The following PRF1 variants were observed in gnomAD, a reference collection of about 807,000 sequenced individuals.
The protein encoded by PRF1 is perforin-1.
In PRF1, 11 loss-of-function variants were observed where a neutral mutation model predicts 11.7. The ratio of observed to expected loss-of-function variants is 0.94; its 90% CI spans 0.59 to 1.56. PRF1 has a LOEUF of 1.56. Ranked by LOEUF, PRF1 falls within the 40% of genes most tolerant of loss-of-function variation. The probability of loss-of-function intolerance (pLI) is 0.00; values close to 1 mark genes in which losing one functional copy is unlikely to be tolerated. For synonymous variants in PRF1, 314 were observed against 327.8 expected (o/e 0.96, Z 0.45); for missense variants, 729 against 751.0 (o/e 0.97, Z 0.34).
chr10:70,597,758 C>G lies in PRF1; in HGVS notation c.*295G>C. The G allele has an allele frequency of 1.7e-6, 1 of 601,928 alleles. No individual in the cohort carries two copies. 37.3% of individuals were successfully genotyped at this position (601,928 alleles called of 1,614,324 possible). ...TCCATCTGTCTGATGCGTATCCAAT[C>G]TTTTGGCTTCTCTGGGCCACGTTGG... is the stretch of plus-strand genomic sequence containing the variant. On this transcript the variant is annotated 3_prime_UTR_variant, in exon 3 of 3. Transcript: ENST00000441259.
intron 1 of PRF1, among the ~76,000 whole-genome samples, chr10:70,602,363 A>C (rs183249774): frequency 3.3e-5 from 5 of 152,190 alleles, no homozygotes; most frequent in Non-Finnish European, 7.4e-5. Context: ...CTCAGCCCTC[A>C]TCCTGACTCT....
rs1336764726 is a variant in PRF1 at position 70,597,822 on chromosome 10, C to T, written c.*231G>A. On this transcript the variant is annotated 3_prime_UTR_variant, in exon 3 of 3. Transcript: ENST00000441259. ...TTGGGCCACATGTAAAATCCACTAGCACTAACGATAGCCGATGAGCTAAAA... is the reference window on the plus strand; with the variant it reads ...TTGGGCCACATGTAAAATCCACTAGTACTAACGATAGCCGATGAGCTAAAA... The T allele has an allele frequency of 1.6e-6, 1 of 612,960 alleles. No individual in the cohort carries two copies. Among genetic ancestry groups the T allele is most frequent in the African/African-American group, 1.9e-5 (1 of 53,212 alleles). 38.0% of individuals were successfully genotyped at this position (612,960 alleles called of 1,614,324 possible). A position where few individuals can be genotyped will look rare whatever the true frequency, so the allele number is the denominator to read the frequency against.
At position 70,601,208 on chromosome 10, in the gene PRF1, C is replaced by T. The variant is rs1033901897; in HGVS notation, c.-30-276G>A. On this transcript the variant is annotated intron_variant, in intron 1 of 2. Transcript: ENST00000441259. ...GGATGGCTCTGTCCCCAGGACACAA[C>T]TGTGGGTGGTGGGGAGGGGGCTGTG... 5.3e-5 allele frequency among the ~76,000 whole-genome samples: 8 copies of T among 152,130 alleles called. No individual in the cohort carries two copies. The East Asian group carries it at 1.5e-3, about 29-fold the overall frequency.
At chr10:70,602,259 G>A (rs567128625) in intron 1 of PRF1, among the ~76,000 whole-genome samples, 1 of 152,242 alleles carries the variant, frequency 6.6e-6, no homozygotes, top group Admixed American at 6.5e-5. Flanking sequence ...AGCGTGGCTC[G>A]CCCCAGGGAG....
At position 70,597,905 on chromosome 10, in the gene PRF1, C is replaced by A; in HGVS notation, c.*148G>T. 1.0e-6 allele frequency: 1 copy of A among 980,650 alleles called. No individual in the cohort carries two copies. Among genetic ancestry groups the A allele is most frequent in the Non-Finnish European group, 1.5e-6 (1 of 655,948 alleles). The allele number at this position is 980,650 out of a possible 1,614,324, so 60.7% of individuals were successfully genotyped here. On this transcript the variant is annotated 3_prime_UTR_variant, in exon 3 of 3. Coordinates refer to ENST00000441259, the MANE Select transcript of PRF1 (RefSeq NM_001083116.3). ...TGTTTTAAGAAAGTTTGCGAATTTG[C>A]GTTGGGCCGCATTCAAAGCCATCCT...
rs1848227902 is a variant in PRF1, at chr10:70,601,416, G to A, written c.-30-484C>T. ...CTCTAACCTCTCTCCCTCCCACTGA[G>A]CCCTTAACAGAATTGGAAGAGAAAT... is the stretch of plus-strand genomic sequence containing the variant. On this transcript the variant is annotated intron_variant, in intron 1 of 2. Transcript: ENST00000441259. Among the ~76,000 whole-genome samples the A allele has an allele frequency of 1.3e-5, 2 of 152,092 alleles. 1 individual carries two copies. Among genetic ancestry groups the A allele is most frequent in the South Asian group, 4.1e-4 (2 of 4,826 alleles).
rs1848165503 is a variant in PRF1 at position 70,598,571 on chromosome 10, C to A, written c.1150G>T (p.Gly384Trp). 1 of 1,612,708 alleles carries A rather than the reference C, an allele frequency of 6.2e-7. No individual in the cohort carries two copies. The highest frequency in any genetic ancestry group is 1.3e-5 in the African/African-American group (1 of 74,922). The change falls in exon 3 of 3, where the codon GGG (glycine) becomes TGG (tryptophan). Residue 384 changes from glycine (G) to tryptophan (W), a missense_variant. Transcript: ENST00000441259. ...WRDCSRPCPPGRQKSPRDPCQ... is the reference protein window; with the variant it reads ...WRDCSRPCPPWRQKSPRDPCQ... ...GGGTCTCGGGGGCTCTTCTGCCGCC[C>A]TGGTGGGCACGGCCGGCTGCAGTCC... is the stretch of plus-strand genomic sequence containing the variant.
rs201565901 is a variant in PRF1, at chr10:70,598,770, C to T, written c.951G>A (p.Gly317=). The T allele has an allele frequency of 5.0e-6, 8 of 1,614,236 alleles. No individual in the cohort carries two copies. The highest frequency in any genetic ancestry group is 5.1e-6 in the Non-Finnish European group (6 of 1,180,038). ...HHTSINDLLF[G]IQAGPEQYSA... ...AGTACTGCTCGGGCCCGGCCTGGATCCCGAACAGCAGGTCGTTAATGGAGG... is the reference window on the plus strand; with the variant it reads ...AGTACTGCTCGGGCCCGGCCTGGATTCCGAACAGCAGGTCGTTAATGGAGG... Residue 317 remains glycine (G), a synonymous_variant, in exon 3 of 3, where the codon GGG becomes GGA. Transcript: ENST00000441259.
chr10:70,600,317 G>C lies in PRF1; in HGVS notation c.539+47C>G, dbSNP rs751710889. The C allele has an allele frequency of 3.1e-6, 5 of 1,610,106 alleles. No homozygotes were observed. The South Asian group carries it at 4.4e-5, about 14-fold the overall frequency. ...TTCCAGGGCTCCTAGACCACCCAGA[G>C]TTTCCCGCGCCTTTTCCAGCCCCCC... On this transcript the variant is annotated intron_variant, in intron 2 of 2. Coordinates refer to ENST00000441259, the MANE Select transcript of PRF1 (RefSeq NM_001083116.3). The surrounding 1 kb of genome is among the most constrained non-coding windows in gnomAD (Gnocchi z 4.9).
rs1271079313 is a variant in PRF1, at chr10:70,598,828, T to C, written c.893A>G (p.Glu298Gly). 3.7e-6 allele frequency: 6 copies of C among 1,614,210 alleles called. No homozygotes were observed. The highest frequency in any genetic ancestry group is 1.6e-4 in the Middle Eastern group (1 of 6,062). Residue 298 changes from glutamate to glycine, a missense_variant, in exon 3 of 3, where the codon GAG becomes GGG. By Grantham distance (98) the Glu-to-Gly change is moderately conservative (BLOSUM62 -2). Coordinates refer to ENST00000441259, the MANE Select transcript of PRF1 (RefSeq NM_001083116.3). The stretch of plus-strand genomic sequence containing the variant: ...GCCGCCAACCACTTCCGAGTGGCGC[T>C]CCCGGTAGGTTTGGTGGAAGGAGGC... ...MTASFHQTYR[E>G]RHSEVVGGHH...
In PRF1 at chr10:70,598,027, A is replaced by G. The variant is rs755876007; in HGVS notation, c.*26T>C. On this transcript the variant is annotated 3_prime_UTR_variant, in exon 3 of 3. Coordinates refer to ENST00000441259, the MANE Select transcript of PRF1 (RefSeq NM_001083116.3). ...GTGAGAACCCCTTCAGTCCAAGCAT[A>G]CTGGTCCTTTCCAAGCTCACTGTTC... 17 of 1,610,244 alleles carry G rather than the reference A, an allele frequency of 1.1e-5. No individual in the cohort carries two copies. The highest frequency in any genetic ancestry group is 1.4e-5 in the Non-Finnish European group (16 of 1,179,898).
Position 70,600,839 on chromosome 10 carries a change from G to A in PRF1, c.64C>T (p.Pro22Ser), listed in dbSNP as rs1389748708. 6.2e-7 allele frequency: 1 copy of A among 1,610,550 alleles called. No homozygotes were observed. Among genetic ancestry groups the A allele is most frequent in the Non-Finnish European group, 8.5e-7 (1 of 1,178,862 alleles). The change falls in exon 2 of 3, where the codon CCG becomes TCG. Residue 22 changes from proline (P) to serine (S), a missense_variant. Coordinates refer to ENST00000441259, the MANE Select transcript of PRF1 (RefSeq NM_001083116.3). The surrounding 1 kb of genome is among the most constrained non-coding windows in gnomAD (Gnocchi z 4.9). ...LLLLPLPVPA[P>S]CHTAARSECK... ...TCTGAGCGTGCGGCTGTGTGGCACG[G>A]GGCAGGGACGGGCAGGGGCAGCAGC...
intron 1 of PRF1, among the ~76,000 whole-genome samples, chr10:70,601,845 A>G (rs1848236332): frequency 6.6e-6 from 1 of 151,310 alleles, no homozygotes; most frequent in African/African-American, 2.4e-5. Context: ...AAAAAAAAAA[A>G]GGGGCAGACC....
rs1347449950 is a variant in PRF1 at position 70,600,585 on chromosome 10, T to C, written c.318A>G (p.Val106=). Residue 106 remains valine, a synonymous_variant, in exon 2 of 3, where the codon GTA becomes GTG. Transcript: ENST00000441259. The surrounding 1 kb of genome is among the most constrained non-coding windows in gnomAD (Gnocchi z 4.9). The part of the protein sequence containing the change: ...RAQGSGCQRH[V]TRAKVSSTEA... Reference sequence around the variant, plus strand: ...CAGTGGAGCTGACTTTGGCCCTGGTTACATGGCGCTGGCAGCCAGAGCCCT... The same window carrying C: ...CAGTGGAGCTGACTTTGGCCCTGGTCACATGGCGCTGGCAGCCAGAGCCCT... 6.2e-7 allele frequency: 1 copy of C among 1,613,864 alleles called. No homozygotes were observed. The highest frequency in any genetic ancestry group is 1.7e-5 in the Admixed American group (1 of 60,008).
Position 70,600,538 on chromosome 10 carries a change from GC to G in PRF1, c.364del (p.Ala122LeufsTer14), listed in dbSNP as rs1431118616. ...CTTCCAGTCGTTGCGGATGCTACGA[GC>G]CGCATCCCGGGCCACAGCTTCAGTG... ...SSTEAVARDA[A>X]RSIRNDWKVG... On this transcript the variant is annotated frameshift_variant, in exon 2 of 3. Transcript: ENST00000441259. LOFTEE classifies it high-confidence loss of function. The surrounding 1 kb of genome is among the most constrained non-coding windows in gnomAD (Gnocchi z 4.9). 1 of 1,614,050 alleles carries G rather than the reference GC, an allele frequency of 6.2e-7. No homozygotes were observed. The highest frequency in any genetic ancestry group is 1.7e-5 in the Admixed American group (1 of 60,006).
chr10:70,599,039 C>G lies in PRF1; in HGVS notation c.682G>C (p.Glu228Gln). Residue 228 changes from glutamate to glutamine, a missense_variant, in exon 3 of 3, where the codon GAG becomes CAG. By Grantham distance (29) the Glu-to-Gln change is conservative. Coordinates refer to ENST00000441259, the MANE Select transcript of PRF1 (RefSeq NM_001083116.3). ...NYGTHFIRAV[E>Q]LGGRISALTA... ...AGGGCCGATATGCGGCCACCCAGCT[C>G]CACAGCCCGGATGAAGTGGGTGCCG... 6.2e-7 allele frequency: 1 copy of G among 1,613,558 alleles called. No individual in the cohort carries two copies. The highest frequency in any genetic ancestry group is 8.5e-7 in the Non-Finnish European group (1 of 1,179,568).
chr10:70,598,832 G>C lies in PRF1; in HGVS notation c.889C>G (p.Arg297Gly). The change falls in exon 3 of 3, where the codon CGG becomes GGG. Residue 297 changes from arginine to glycine, a missense_variant. Physicochemically the swap from Arg to Gly is moderately radical, Grantham distance 125. Transcript: ENST00000441259. ...CCAACCACTTCCGAGTGGCGCTCCCGGTAGGTTTGGTGGAAGGAGGCCGTC... is the reference window on the plus strand; with the variant it reads ...CCAACCACTTCCGAGTGGCGCTCCCCGTAGGTTTGGTGGAAGGAGGCCGTC... ...KMTASFHQTY[R>G]ERHSEVVGGH... The C allele has an allele frequency of 6.2e-7, 1 of 1,614,216 alleles. No homozygotes were observed. Among genetic ancestry groups the C allele is most frequent in the South Asian group, 1.1e-5 (1 of 91,082 alleles).
rs776571416 is a variant in PRF1 at position 70,599,063 on chromosome 10, C to T, written c.658G>A (p.Gly220Ser). 1.1e-5 allele frequency: 18 copies of T among 1,613,308 alleles called. No individual in the cohort carries two copies. The highest frequency in any genetic ancestry group is 1.4e-5 in the Non-Finnish European group (17 of 1,179,518). ...TCCACAGCCCGGATGAAGTGGGTGC[C>T]GTAGTTGGAGATAAGCCTGAGGTAG... Reference protein sequence around the residue: ...PAYLRLISNYGTHFIRAVELG... With the variant: ...PAYLRLISNYSTHFIRAVELG... The change falls in exon 3 of 3, where the codon GGC becomes AGC. Residue 220 changes from glycine (G) to serine (S), a missense_variant. Gly to Ser is a moderately conservative substitution (Grantham distance 56). Coordinates refer to ENST00000441259, the MANE Select transcript of PRF1 (RefSeq NM_001083116.3).
chr10:70,602,662 G>C lies in PRF1; in HGVS notation c.-48C>G, dbSNP rs1041352205. ...CTCCTTACCTGGAATCCCGTATAGAGAAGCGGCTACACAGATGGATATCCT... is the reference window on the plus strand; with the variant it reads ...CTCCTTACCTGGAATCCCGTATAGACAAGCGGCTACACAGATGGATATCCT... On this transcript the variant is annotated 5_prime_UTR_variant, in exon 1 of 3. Transcript: ENST00000441259. 1 of 152,262 alleles carries C rather than the reference G, an allele frequency of 6.6e-6. No homozygotes were observed. 9.4% of individuals were successfully genotyped at this position (152,262 alleles called of 1,614,324 possible).
Sources: gnomAD v4.1 joint callset for allele counts (sites outside exome capture counted in the v4.1 genomes callset) on GRCh38, gnomAD v4.1.1 for gene constraint, Gnocchi (gnomAD v3.1) non-coding constraint, MANE v1.5 for transcripts, NCBI Gene and HGNC (gene_info 2026-07-23, HGNC 2026-07-21) for gene names.